GPR141: variants seen among roughly 807,000 people sequenced by gnomAD.
GPR141 encodes G protein-coupled receptor 141.
In GPR141, 6 loss-of-function variants were observed where a neutral mutation model predicts 6.8. The ratio of observed to expected loss-of-function variants is 0.88; its 90% CI spans 0.48 to 1.74. The LOEUF is 1.74. GPR141 is among the 40% of genes most tolerant of loss of function. The probability of loss-of-function intolerance (pLI) is 0.01; values close to 1 mark genes in which losing one functional copy is unlikely to be tolerated. For missense variants in GPR141, 372 were observed against 372.9 expected (o/e 1.00, Z 0.02); for synonymous variants, 140 against 142.3 (o/e 0.98, Z 0.11).
intron 1 of GPR141, among the ~76,000 whole-genome samples, chr7:37,684,111 C>T (rs893015775): frequency 1.3e-5 from 2 of 152,132 alleles, no homozygotes; most frequent in Non-Finnish European, 2.9e-5. Flanking sequence ...AAAGTAAAAC[C>T]TAATATTTAT....
intron 2 of GPR141, among the ~76,000 whole-genome samples, chr7:37,705,416 A>G (rs1340486104): frequency 1.3e-5 from 2 of 152,236 alleles, no homozygotes; most frequent in African/African-American, 4.8e-5. Flanking sequence ...TATTATTTCT[A>G]TAACCTCAGT....
intron 2 of GPR141, among the ~76,000 whole-genome samples, chr7:37,690,259 C>G (rs1258034903): frequency 6.6e-6 from 1 of 151,904 alleles, no homozygotes; most frequent in Non-Finnish European, 1.5e-5. Flanking sequence ...CTTTGGATGT[C>G]CCCTCCGAAT....
chr7:37,737,470 A>G (rs954633043), intron 2 of GPR141, among the ~76,000 whole-genome samples: 5 of 152,220 alleles, frequency 3.3e-5, no homozygotes, highest in Non-Finnish European at 5.9e-5. Context: ...AAATGGTCTA[A>G]TCCAAGGTTA....
intron 2 of GPR141, among the ~76,000 whole-genome samples, chr7:37,692,337 T>C (rs1214543571): frequency 2.0e-5 from 3 of 152,232 alleles, no homozygotes; most frequent in Non-Finnish European, 4.4e-5. Flanking sequence ...CATCCTTTTT[T>C]ATGGCTGCAT....
At chr7:37,698,178 C>T (rs769966530) in intron 2 of GPR141, among the ~76,000 whole-genome samples, 1 of 152,154 alleles carries the variant, frequency 6.6e-6, no homozygotes, top group African/African-American at 2.4e-5. Flanking sequence ...TGGCCTTGGT[C>T]AGCTTCATCA....
At chr7:37,712,395 G>T (rs1475749135) in intron 2 of GPR141, among the ~76,000 whole-genome samples, 1 of 152,090 alleles carries the variant, frequency 6.6e-6, no homozygotes, top group African/African-American at 2.4e-5. Flanking sequence ...GGGCTGGGTG[G>T]GTCAAGTAAT....
chr7:37,721,666 G>A (rs1045275093), intron 2 of GPR141, among the ~76,000 whole-genome samples: 16 of 152,226 alleles, frequency 1.1e-4, no homozygotes, highest in Admixed American at 7.2e-4. Flanking sequence ...TTTTGTTGGC[G>A]TGGCAGCTGA....
chr7:37,694,897 C>T (rs191606779), intron 2 of GPR141, among the ~76,000 whole-genome samples: 1 of 152,264 alleles, frequency 6.6e-6, no homozygotes, highest in East Asian at 1.9e-4. Context: ...ATCCAAACTA[C>T]AGCTCTATCC....
In GPR141 at chr7:37,740,967, G is replaced by A. The variant is rs139160883; in HGVS notation, c.574G>A (p.Val192Ile). 192 of 1,613,284 alleles carry A rather than the reference G, an allele frequency of 1.2e-4. 1 individual carries two copies. Among genetic ancestry groups the A allele is most frequent in the Middle Eastern group, 4.9e-4 (3 of 6,078 alleles). ...NYMIVIFVIAVAVILLVFQVF... is the reference protein window; with the variant it reads ...NYMIVIFVIAIAVILLVFQVF... Reference sequence around the variant, plus strand: ...TATGATAGTCATTTTTGTCATAGCCGTTGCTGTGATTCTGTTGGTCTTCCA... The same window carrying A: ...TATGATAGTCATTTTTGTCATAGCCATTGCTGTGATTCTGTTGGTCTTCCA... Residue 192 changes from valine to isoleucine, a missense_variant, in exon 3 of 3, where the codon GTT becomes ATT. By Grantham distance (29) the Val-to-Ile change is conservative (BLOSUM62 3). Transcript: ENST00000334425.
At position 37,740,645 on chromosome 7, in the gene GPR141, G is replaced by T. The variant is rs958667564; in HGVS notation, c.252G>T (p.Gly84=). 4 of 1,613,924 alleles carry T rather than the reference G, an allele frequency of 2.5e-6. No homozygotes were observed. In the African/African-American group the frequency reaches 5.3e-5, roughly 22 times the overall value. Residue 84 remains glycine (G), a synonymous_variant, in exon 3 of 3, where the codon GGG becomes GGT. Transcript: ENST00000334425. ...TYLIKKTWMF[G]LPFCKFVSAM... ...TCATCAAGAAGACTTGGATGTTTGGGCTGCCCTTCTGCAAATTTGTGAGTG... is the reference window on the plus strand; with the variant it reads ...TCATCAAGAAGACTTGGATGTTTGGTCTGCCCTTCTGCAAATTTGTGAGTG...
In GPR141 at chr7:37,743,139, A is replaced by G. The variant is rs1812650210; in HGVS notation, c.*1828A>G. On this transcript the variant is annotated 3_prime_UTR_variant, in exon 3 of 3. Coordinates refer to ENST00000334425, the MANE Select transcript of GPR141 (RefSeq NM_001381946.1). ...CTGCAGAAAACCTGAAGTGATTAGT[A>G]ACATGAATAGAATAACAGAATGAAT... Among the ~76,000 whole-genome samples the G allele has an allele frequency of 6.6e-6, 1 of 152,180 alleles. No homozygotes were observed. The highest frequency in any genetic ancestry group is 1.5e-5 in the Non-Finnish European group (1 of 68,022).
chr7:37,734,363 G>A (rs778422664), intron 2 of GPR141, among the ~76,000 whole-genome samples: 2 of 152,210 alleles, frequency 1.3e-5, no homozygotes, highest in Non-Finnish European at 2.9e-5. Flanking sequence ...AGTAGTAGAA[G>A]CAAGAATTGA....
intron 2 of GPR141, among the ~76,000 whole-genome samples, chr7:37,730,858 T>C (rs1301713948): frequency 2.0e-5 from 3 of 152,240 alleles, no homozygotes; most frequent in African/African-American, 4.8e-5. Context: ...ATGTGCTCAA[T>C]TTTTTAGCAA....
At position 37,740,670 on chromosome 7, in the gene GPR141, G is replaced by A. The variant is rs754065932; in HGVS notation, c.277G>A (p.Ala93Thr). ...FGLPFCKFVS[A>T]MLHIHMYLTF... Reference sequence around the variant, plus strand: ...GCTGCCCTTCTGCAAATTTGTGAGTGCCATGCTGCACATCCACATGTACCT... The same window carrying A: ...GCTGCCCTTCTGCAAATTTGTGAGTACCATGCTGCACATCCACATGTACCT... The change falls in exon 3 of 3, where the codon GCC (alanine) becomes ACC (threonine). Residue 93 changes from alanine (A) to threonine (T), a missense_variant. Transcript: ENST00000334425. The A allele has an allele frequency of 2.5e-6, 4 of 1,613,984 alleles. No homozygotes were observed. Among genetic ancestry groups the A allele is most frequent in the Non-Finnish European group, 3.4e-6 (4 of 1,180,020 alleles).
intron 2 of GPR141, among the ~76,000 whole-genome samples, chr7:37,714,857 C>G (rs1015260574): frequency 7.2e-5 from 11 of 152,166 alleles, no homozygotes; most frequent in Admixed American, 3.9e-4. Context: ...GCTTCCCATT[C>G]ATCTGTGTCT....
intron 2 of GPR141, among the ~76,000 whole-genome samples, chr7:37,688,424 C>T (rs1368438676): frequency 6.6e-6 from 1 of 151,882 alleles, no homozygotes; most frequent in African/African-American, 2.4e-5. Context: ...AAGAGCAAAA[C>T]TCCATTTGAG....
intron 2 of GPR141, among the ~76,000 whole-genome samples, chr7:37,716,578 C>G (rs10252119): frequency 0.061 from 9,330 of 152,072 alleles, 981 homozygotes; most frequent in African/African-American, 0.21. Context: ...CAAAAATTAC[C>G]CAATTTCACT....
At chr7:37,695,123 G>A (rs528212893) in intron 2 of GPR141, among the ~76,000 whole-genome samples, 1 of 152,296 alleles carries the variant, frequency 6.6e-6, no homozygotes, top group Non-Finnish European at 1.5e-5. Context: ...GCAGATGGAG[G>A]AGCAGGTAGA....
chr7:37,691,369 A>G (rs973399855), intron 2 of GPR141, among the ~76,000 whole-genome samples: 7 of 139,698 alleles, frequency 5.0e-5, no homozygotes, highest in African/African-American at 1.9e-4. Context: ...ATCTTGGCTC[A>G]CTGCAACCTC....
Sources: allele counts gnomAD v4.1 joint callset (sites outside exome capture counted in the v4.1 genomes callset), GRCh38; gene constraint gnomAD v4.1.1; transcripts MANE v1.5; gene names NCBI Gene and HGNC (gene_info 2026-07-23, HGNC 2026-07-21).